The following PPP2R2B variants were observed in gnomAD, a reference collection of about 807,000 sequenced individuals.
PPP2R2B encodes the protein protein phosphatase 2 regulatory subunit Bbeta.
PPP2R2B carries 5 observed loss-of-function variants against 46.0 expected under a neutral mutation model. The ratio of observed to expected loss-of-function variants is 0.11; its 90% CI spans 0.06 to 0.23. The LOEUF (loss-of-function observed/expected upper bound fraction) is 0.23, where lower values mean the gene tolerates loss of function less well. Ranked by LOEUF, PPP2R2B falls within the 10% of genes least tolerant of loss-of-function variation. PPP2R2B has a pLI of 1.00. For synonymous variants in PPP2R2B, 215 were observed against 206.7 expected, an observed-to-expected ratio of 1.04 and a Z score of -0.34; for missense variants, 367 against 575.0, an observed-to-expected ratio of 0.64 and a Z score of 3.70.
intron 3 of PPP2R2B, 66 bp from the exon 4 acceptor site, chr5:146,698,210 TC>T: frequency 7.2e-7 from 1 of 1,388,746 alleles, no homozygotes. Context: ...ACTCGCCAAC[TC>T]CCTTTTTTTT....
intron 4 of PPP2R2B, 49 bp from the exon 5 acceptor site, chr5:146,691,289 C>T: frequency 1.3e-6 from 2 of 1,531,656 alleles, no homozygotes; most frequent in Non-Finnish European, 1.8e-6. Context: ...AAAGCAAGCT[C>T]ATAAGGGAGT....
intron 2 of PPP2R2B, among the ~76,000 whole-genome samples, chr5:146,813,426 A>G (rs1470837438): frequency 6.6e-6 from 1 of 152,164 alleles, no homozygotes; most frequent in Non-Finnish European, 1.5e-5. Context: ...TGTACCAAAT[A>G]GTATGCCCCT....
chr5:146,697,478 T>C (rs1779243887), intron 4 of PPP2R2B, among the ~76,000 whole-genome samples: 1 of 152,206 alleles, frequency 6.6e-6, no homozygotes, highest in African/African-American at 2.4e-5. Flanking sequence ...CCTTTCTTGA[T>C]CAGTTTTTTG....
intron 1 of PPP2R2B, among the ~76,000 whole-genome samples, chr5:146,942,626 TC>T (rs1764355508): frequency 6.6e-6 from 1 of 152,152 alleles, no homozygotes. Flanking sequence ...GTAACTCCAT[TC>T]CCACCAATAA....
chr5:146,996,232 C>T (rs557771784), intron 1 of PPP2R2B, among the ~76,000 whole-genome samples: 39 of 152,170 alleles, frequency 2.6e-4, no homozygotes, highest in African/African-American at 8.9e-4. Context: ...AGTTGGCAGA[C>T]GGGGAAGCCT....
chr5:146,657,938 A>G (rs1776439524), intron 5 of PPP2R2B, among the ~76,000 whole-genome samples: 2 of 152,144 alleles, frequency 1.3e-5, no homozygotes, highest in South Asian at 2.1e-4. Context: ...TGTATCATCA[A>G]TTAGGAAGTG....
intron 6 of PPP2R2B, among the ~76,000 whole-genome samples, chr5:146,646,834 C>A (rs1775612052): frequency 6.6e-6 from 1 of 152,012 alleles, no homozygotes; most frequent in Admixed American, 6.6e-5. Flanking sequence ...AAGGCACTAC[C>A]CTAAATGTGT....
chr5:146,654,634 T>G, intron 5 of PPP2R2B, among the ~76,000 whole-genome samples: 1 of 152,170 alleles, frequency 6.6e-6, no homozygotes, highest in East Asian at 1.9e-4. Flanking sequence ...ATTATATGCT[T>G]GCATCCTCAA....
intron 2 of PPP2R2B, among the ~76,000 whole-genome samples, chr5:146,734,311 C>T (rs990509505): frequency 2.6e-5 from 4 of 152,110 alleles, no homozygotes; most frequent in Admixed American, 6.5e-5. Context: ...CCTGCCTTGG[C>T]CTCCCAATCT....
At position 146,591,895 on chromosome 5, in the gene PPP2R2B, C is replaced by A. The variant is rs572956394; in HGVS notation, c.1052+1076G>T. Among the ~76,000 whole-genome samples the A allele has an allele frequency of 4.6e-5, 7 of 152,158 alleles. No individual in the cohort carries two copies. In the South Asian group the frequency reaches 1.5e-3, roughly 32 times the overall value. ...GAACGATGGAAGCAATCTTGTTAGACTGTGGTTGGGATTAAATAAAATGAT... is the reference window on the plus strand; with the variant it reads ...GAACGATGGAAGCAATCTTGTTAGAATGTGGTTGGGATTAAATAAAATGAT... On this transcript the variant is annotated intron_variant, in intron 9 of 9. Transcript: ENST00000394411.
chr5:146,854,503 C>T (rs1760534685), intron 2 of PPP2R2B, among the ~76,000 whole-genome samples: 1 of 152,134 alleles, frequency 6.6e-6, no homozygotes, highest in Non-Finnish European at 1.5e-5. Context: ...ACTCTGCTAT[C>T]AAACATTAGA....
At chr5:146,762,022 C>T (rs1292763162) in intron 2 of PPP2R2B, among the ~76,000 whole-genome samples, 1 of 152,120 alleles carries the variant, frequency 6.6e-6, no homozygotes, top group African/African-American at 2.4e-5. Flanking sequence ...CCTAAACCTT[C>T]CAGCCTGAAG....
At chr5:146,744,125 T>C (rs1430056820) in intron 2 of PPP2R2B, among the ~76,000 whole-genome samples, 1 of 152,256 alleles carries the variant, frequency 6.6e-6, no homozygotes, top group Non-Finnish European at 1.5e-5. Context: ...AGATGCTTGC[T>C]CCTTCCTCCT....
chr5:146,751,338 T>A (rs1302920503), intron 2 of PPP2R2B: 3 of 152,202 alleles, frequency 2.0e-5, no homozygotes, highest in Non-Finnish European at 2.9e-5. Flanking sequence ...TGTCACCTGT[T>A]GGGAATTGCA....
chr5:146,793,444 G>C (rs1025221633), intron 2 of PPP2R2B, among the ~76,000 whole-genome samples: 2 of 152,100 alleles, frequency 1.3e-5, no homozygotes, highest in Non-Finnish European at 2.9e-5. Context: ...AATAATAAAG[G>C]GAGAATTGTA....
At chr5:146,638,840 C>T (rs935168651) in intron 6 of PPP2R2B, among the ~76,000 whole-genome samples, 9 of 152,152 alleles carry the variant, frequency 5.9e-5, no homozygotes, top group African/African-American at 2.2e-4. Flanking sequence ...GATTATTGGG[C>T]TGATAAGTGA....
chr5:146,643,183 CGA>C (rs150316003), intron 6 of PPP2R2B, among the ~76,000 whole-genome samples: 475 of 147,062 alleles, frequency 3.2e-3, no homozygotes, highest in African/African-American at 5.1e-3. Flanking sequence ...CACACACACA[CGA>C]GAGAGAGAGA....
chr5:147,003,842 A>T (rs1206882814), intron 1 of PPP2R2B, among the ~76,000 whole-genome samples: 2 of 152,108 alleles, frequency 1.3e-5, no homozygotes, highest in Non-Finnish European at 2.9e-5. Flanking sequence ...ACCTTCCTCG[A>T]GTGGCTATGG....
At position 146,631,670 on chromosome 5, in the gene PPP2R2B, C is replaced by T. The variant is rs533695875; in HGVS notation, c.790+6581G>A. ...CAATGCCTCTAAAATCAATTAAAGT[C>T]TGCTTTGTTCAGAAAGAAAGTGTTC... On this transcript the variant is annotated intron_variant, in intron 7 of 9. Transcript: ENST00000394411. Among the ~76,000 whole-genome samples, 177 of 152,294 alleles carry T rather than the reference C, an allele frequency of 1.2e-3. 1 individual carries two copies. The highest frequency in any genetic ancestry group is 4.1e-3 in the African/African-American group (171 of 41,572).
Sources: allele counts gnomAD v4.1 joint callset (sites outside exome capture counted in the v4.1 genomes callset), GRCh38; gene constraint gnomAD v4.1.1; transcripts MANE v1.5; gene names NCBI Gene and HGNC (gene_info 2026-07-23, HGNC 2026-07-21).